The following C2CD5 variants were observed in gnomAD, a reference collection of about 807,000 sequenced individuals.
C2CD5 encodes the protein C2 calcium dependent domain containing 5, also known as C2 domain-containing protein 5.
A neutral mutation model predicts 130.3 loss-of-function variants in C2CD5; 109 were observed. The ratio of observed to expected loss-of-function variants is 0.84; its 90% CI spans 0.72 to 0.98. C2CD5 has a LOEUF of 0.98. Ranked by LOEUF, C2CD5 falls within the 50% of genes least tolerant of loss-of-function variation. The pLI, the probability that C2CD5 is intolerant of heterozygous loss-of-function variation, is 0.00. For synonymous variants in C2CD5, 454 were observed against 429.2 expected, an observed-to-expected ratio of 1.06 and a Z score of -0.71; for missense variants, 996 against 1,261.8, an observed-to-expected ratio of 0.79 and a Z score of 3.19.
chr12:22,449,864 C>T lies in C2CD5; in HGVS notation c.3052G>A (p.Asp1018Asn). 1 of 1,609,900 alleles carries T rather than the reference C, an allele frequency of 6.2e-7. No homozygotes were observed. The highest frequency in any genetic ancestry group is 8.5e-7 in the Non-Finnish European group (1 of 1,176,738). The change falls in exon 27 of 27, where the codon GAT becomes AAT. Residue 1018 changes from aspartate (D) to asparagine (N), a missense_variant. Asp to Asn is a conservative substitution (Grantham distance 23). Around this residue, in one of 9 missense-constraint regions of C2CD5, gnomAD observed 48 missense variants for 46.4 expected, o/e 1.03. Coordinates refer to ENST00000446597, the MANE Select transcript of C2CD5 (RefSeq NM_001286176.2). ...GATTCACGAACAAAAACCACTGCATCACCACTTACATTTATAAGACACTGT... is the reference window on the plus strand; with the variant it reads ...GATTCACGAACAAAAACCACTGCATTACCACTTACATTTATAAGACACTGT... ...QAQCLINVSG[D>N]AVVFVRESDL...
intron 10 of C2CD5, among the ~76,000 whole-genome samples, chr12:22,501,913 C>T (rs1010890446): frequency 8.6e-5 from 13 of 152,008 alleles, no homozygotes; most frequent in African/African-American, 2.2e-4. Flanking sequence ...GTAAGATATA[C>T]TTTCTGAGAC....
intron 2 of C2CD5, among the ~76,000 whole-genome samples, chr12:22,537,998 T>C (rs913910557): frequency 7.9e-5 from 12 of 152,192 alleles, no homozygotes; most frequent in Admixed American, 7.2e-4. Flanking sequence ...CCTGACGTCA[T>C]ATATAGTGGA....
chr12:22,502,827 G>A, intron 10 of C2CD5: 1 of 1,442,822 alleles, frequency 6.9e-7, no homozygotes, highest in Non-Finnish European at 9.4e-7. Context: ...CAGCAAATTA[G>A]TAGATCAGTT....
intron 22 of C2CD5, chr12:22,463,338 C>G (rs887747767): frequency 1.3e-5 from 2 of 152,022 alleles, no homozygotes; most frequent in African/African-American, 4.8e-5. Context: ...TTGCAGTGAC[C>G]CAAGATCGTG....
At chr12:22,485,290 T>C (rs1945324267) in intron 12 of C2CD5, among the ~76,000 whole-genome samples, 1 of 151,984 alleles carries the variant, frequency 6.6e-6, no homozygotes, top group Admixed American at 6.6e-5. Context: ...AAAAATATTT[T>C]GGTTACCAGA....
At chr12:22,517,322 G>C (rs1949833864) in intron 8 of C2CD5, among the ~76,000 whole-genome samples, 2 of 151,424 alleles carry the variant, frequency 1.3e-5, no homozygotes, top group South Asian at 4.2e-4. Flanking sequence ...ATTTAAATAA[G>C]TTAATTCTAT....
intron 7 of C2CD5, among the ~76,000 whole-genome samples, chr12:22,520,036 AGTT>A (rs747238559): frequency 6.6e-6 from 1 of 152,170 alleles, no homozygotes; most frequent in Non-Finnish European, 1.5e-5. Context: ...TACTTAGAGC[AGTT>A]ATACAAGTAT....
intron 22 of C2CD5, among the ~76,000 whole-genome samples, chr12:22,465,301 G>A (rs1451341263): frequency 6.6e-6 from 1 of 151,792 alleles, no homozygotes; most frequent in African/African-American, 2.4e-5. Flanking sequence ...TTCACTCAAC[G>A]GTATTTAAAA....
At position 22,449,907 on chromosome 12, in the gene C2CD5, AC is replaced by A; in HGVS notation, c.3025-17del. The A allele has an allele frequency of 6.3e-7, 1 of 1,597,684 alleles. No individual in the cohort carries two copies. ...GACACTGTGCCTATAAGAACAACAA[AC>A]AGGACAGGTTCAGTTATACTCAACA... is the stretch of plus-strand genomic sequence containing the variant. On this transcript the variant is annotated splice_polypyrimidine_tract_variant and intron_variant, in intron 26 of 26. Transcript: ENST00000446597.
chr12:22,530,886 C>T (rs377385545), intron 3 of C2CD5, among the ~76,000 whole-genome samples: 3 of 152,166 alleles, frequency 2.0e-5, no homozygotes, highest in East Asian at 3.9e-4. Flanking sequence ...AGTTTATTAC[C>T]ATCATCATTA....
intron 2 of C2CD5, among the ~76,000 whole-genome samples, chr12:22,536,836 T>C (rs1203992948): frequency 6.6e-6 from 1 of 152,156 alleles, no homozygotes; most frequent in Non-Finnish European, 1.5e-5. Flanking sequence ...CATTCAAGTA[T>C]TACTTGCATA....
chr12:22,463,292 G>C (rs1941512577), intron 22 of C2CD5: 1 of 152,210 alleles, frequency 6.6e-6, no homozygotes, highest in Non-Finnish European at 1.5e-5. Context: ...TTGGGAGGCT[G>C]AGGCTGGAGA....
intron 22 of C2CD5, among the ~76,000 whole-genome samples, chr12:22,465,903 T>C (rs928245311): frequency 1.6e-4 from 24 of 151,844 alleles, no homozygotes; most frequent in African/African-American, 5.6e-4. Context: ...ATCAGAAAAA[T>C]CAAGACAACC....
intron 3 of C2CD5, among the ~76,000 whole-genome samples, chr12:22,529,147 T>C (rs1950987405): frequency 6.6e-6 from 1 of 152,106 alleles, no homozygotes; most frequent in Non-Finnish European, 1.5e-5. Flanking sequence ...TAAAGGTGGG[T>C]GAGGTTCAAT....
At chr12:22,526,612 C>T (rs80175728) in intron 4 of C2CD5, among the ~76,000 whole-genome samples, 86 of 152,108 alleles carry the variant, frequency 5.7e-4, no homozygotes, top group African/African-American at 2.0e-3. Context: ...TGGCTCATGC[C>T]TGTAATCTCA....
intron 7 of C2CD5, among the ~76,000 whole-genome samples, chr12:22,518,887 G>C (rs1254584122): frequency 6.6e-6 from 1 of 152,204 alleles, no homozygotes; most frequent in Non-Finnish European, 1.5e-5. Context: ...ATTATTTGAG[G>C]ATCTGTGGAA....
Position 22,490,117 on chromosome 12 carries a change from G to T in C2CD5, c.1358+6C>A. 1 of 1,607,946 alleles carries T rather than the reference G, an allele frequency of 6.2e-7. No individual in the cohort carries two copies. The highest frequency in any genetic ancestry group is 1.1e-5 in the South Asian group (1 of 90,872). On this transcript the variant is annotated splice_donor_region_variant and intron_variant, in intron 12 of 26. Transcript: ENST00000446597. ...TATAGAAAATAAGCCAGGCTGCCAT[G>T]ACAACCTCTGTTCCAAACAGCCTTC... is the stretch of plus-strand genomic sequence containing the variant.
chr12:22,524,734 C>A, intron 5 of C2CD5, 107 bp from the exon 6 acceptor site: 1 of 667,722 alleles, frequency 1.5e-6, no homozygotes, highest in Non-Finnish European at 2.5e-6. Context: ...ACAAGAACAT[C>A]TTTTACTGTA....
chr12:22,530,757 A>G (rs946571625), intron 3 of C2CD5, among the ~76,000 whole-genome samples: 6 of 152,234 alleles, frequency 3.9e-5, no homozygotes, highest in African/African-American at 1.4e-4. Context: ...GCACCCAGCC[A>G]CTAACTTAAG....
Sources: gnomAD v4.1 joint callset for allele counts (sites outside exome capture counted in the v4.1 genomes callset) on GRCh38, gnomAD v4.1.1 for gene constraint, gnomAD v4.1.1 regional missense constraint, MANE v1.5 for transcripts, NCBI Gene and HGNC (gene_info 2026-07-23, HGNC 2026-07-21) for gene names.